EDA: variants seen among roughly 807,000 people sequenced by gnomAD.
EDA encodes the protein ectodysplasin-A.
A neutral mutation model predicts 23.6 loss-of-function variants in EDA; 2 were observed. That is an observed-to-expected ratio of 0.08 (90% CI 0.03 to 0.27). The LOEUF (loss-of-function observed/expected upper bound fraction) is 0.27. Among genes scored for constraint, EDA ranks in the 10% least tolerant of loss-of-function variants. The pLI, the probability that EDA is intolerant of heterozygous loss-of-function variation, is 1.00. For missense variants in EDA, 229 were observed against 324.2 expected, an observed-to-expected ratio of 0.71 and a Z score of 2.26; for synonymous variants, 131 against 132.0, an observed-to-expected ratio of 0.99 and a Z score of 0.05.
At chrX:70,030,362 T>G in intron 5 of EDA, 107 bp from the exon 6 acceptor site, 1 of 688,164 alleles carries the variant, frequency 1.5e-6, no homozygotes, top group South Asian at 2.3e-5. Flanking sequence ...GGGATCAGAA[T>G]TGGATTACAA....
chrX:69,928,798 A>G (rs149211528), intron 1 of EDA, among the ~76,000 whole-genome samples: 101 of 112,105 alleles, frequency 9.0e-4, no homozygotes, highest in African/African-American at 3.2e-3. Context: ...AATGTTTAAC[A>G]TTTATTAAAG....
At chrX:69,675,981 G>A (rs1166127638) in intron 1 of EDA, among the ~76,000 whole-genome samples, 1 of 111,167 alleles carries the variant, frequency 9.0e-6, no homozygotes, top group Non-Finnish European at 1.9e-5. Context: ...GGCAGAAGAA[G>A]TAGCAAATGT....
chrX:69,921,138 T>C (rs1223044045), intron 1 of EDA, among the ~76,000 whole-genome samples: 1 of 111,147 alleles, frequency 9.0e-6, no homozygotes, highest in South Asian at 3.8e-4. Flanking sequence ...TGGGCTTTTA[T>C]TGAACACTTC....
chrX:69,767,130 T>G (rs1459369746), intron 1 of EDA, among the ~76,000 whole-genome samples: 1 of 111,765 alleles, frequency 8.9e-6, no homozygotes, highest in Non-Finnish European at 1.9e-5. Context: ...TGTGACTTGA[T>G]GTTAAACACC....
intron 1 of EDA, among the ~76,000 whole-genome samples, chrX:69,826,111 A>T (rs1197337857): frequency 9.1e-6 from 1 of 110,385 alleles, no homozygotes; most frequent in Non-Finnish European, 1.9e-5. Context: ...GGAGAGCTTT[A>T]CTTCCAAGTA....
At chrX:69,703,192 G>A (rs962081681) in intron 1 of EDA, among the ~76,000 whole-genome samples, 4 of 111,650 alleles carry the variant, frequency 3.6e-5, no homozygotes, top group Admixed American at 9.5e-5. Flanking sequence ...GGCACACACC[G>A]GAACCTTCTT....
chrX:69,868,092 G>A (rs1207262480), intron 1 of EDA, among the ~76,000 whole-genome samples: 1 of 111,391 alleles, frequency 9.0e-6, no homozygotes, highest in African/African-American at 3.3e-5. Flanking sequence ...AATCCTAGAG[G>A]CCTCCATTGT....
chrX:69,700,191 T>C (rs1467775208), intron 1 of EDA, among the ~76,000 whole-genome samples: 1 of 110,571 alleles, frequency 9.0e-6, no homozygotes, highest in Admixed American at 9.7e-5. Flanking sequence ...ATCATTAACA[T>C]ATTGAAGGAG....
At chrX:69,998,739 T>G (rs761364104) in intron 2 of EDA, among the ~76,000 whole-genome samples, 2 of 111,718 alleles carry the variant, frequency 1.8e-5, no homozygotes, top group East Asian at 5.7e-4. Flanking sequence ...CCCCATACTG[T>G]TCTCATGGTA....
chrX:69,937,634 C>T, intron 1 of EDA: 1 of 1,114,410 alleles, frequency 9.0e-7, no homozygotes, highest in East Asian at 3.0e-5. Flanking sequence ...CAATTCCTTC[C>T]TCATCATGTT....
chrX:69,864,953 C>T (rs919868421), intron 1 of EDA, among the ~76,000 whole-genome samples: 4 of 111,208 alleles, frequency 3.6e-5, no homozygotes, highest in African/African-American at 1.3e-4. Context: ...ATCGCCACTG[C>T]ACTCCAGCCT....
intron 1 of EDA, among the ~76,000 whole-genome samples, chrX:69,787,788 A>G (rs1457051312): frequency 1.8e-5 from 2 of 110,008 alleles, no homozygotes; most frequent in East Asian, 5.7e-4. Context: ...GCTCTTCTCA[A>G]GGAGTATCTT....
At chrX:69,908,643 T>C (rs992335725) in intron 1 of EDA, among the ~76,000 whole-genome samples, 15 of 109,469 alleles carry the variant, frequency 1.4e-4, no homozygotes, top group African/African-American at 4.6e-4. Context: ...AAACCATATC[T>C]GATGAAGAAT....
chrX:69,870,918 T>G (rs1268834756), intron 1 of EDA, among the ~76,000 whole-genome samples: 1 of 111,615 alleles, frequency 9.0e-6, no homozygotes, highest in African/African-American at 3.3e-5. Context: ...TATCTGCTTC[T>G]GAAGTCAGGT....
chrX:69,983,770 C>T (rs1260155925), intron 2 of EDA, among the ~76,000 whole-genome samples: 2 of 93,856 alleles, frequency 2.1e-5, no homozygotes, highest in African/African-American at 4.0e-5. Flanking sequence ...ATCTTTGTGG[C>T]GTTCTCTGTA....
chrX:69,800,778 A>G (rs747217239), intron 1 of EDA, among the ~76,000 whole-genome samples: 16 of 111,968 alleles, frequency 1.4e-4, no homozygotes, highest in Non-Finnish European at 2.4e-4. Context: ...TTGTTTCTAT[A>G]GAATTTATTC....
chrX:69,678,709 A>T (rs946855656), intron 1 of EDA, among the ~76,000 whole-genome samples: 17 of 103,877 alleles, frequency 1.6e-4, no homozygotes, highest in Non-Finnish European at 2.9e-4. Context: ...TTATCAGCTT[A>T]AGGAGATTTT....
chrX:69,911,740 T>A (rs2018269536), intron 1 of EDA, among the ~76,000 whole-genome samples: 1 of 112,205 alleles, frequency 8.9e-6, no homozygotes, highest in Non-Finnish European at 1.9e-5. Context: ...AAAAACAAAC[T>A]ACATACCTTA....
chrX:69,684,941 A>G (rs937181057), intron 1 of EDA, among the ~76,000 whole-genome samples: 7 of 112,424 alleles, frequency 6.2e-5, no homozygotes, highest in Non-Finnish European at 1.3e-4. Flanking sequence ...CTGGATAAGA[A>G]GTTGGAGCTG....
Sources: allele counts gnomAD v4.1 joint callset (sites outside exome capture counted in the v4.1 genomes callset), GRCh38; gene constraint gnomAD v4.1.1; transcripts MANE v1.5; gene names NCBI Gene and HGNC (gene_info 2026-07-23, HGNC 2026-07-21).